Variants in PCDHGA12 observed in about 807,000 individuals in gnomAD.
PCDHGA12 encodes the protein protocadherin gamma subfamily A, 12.
Under a neutral mutation model 61.1 loss-of-function variants are expected in PCDHGA12, and 43 were observed. That is an observed-to-expected ratio of 0.70 (90% CI 0.55 to 0.91). The LOEUF (loss-of-function observed/expected upper bound fraction) is 0.91. Ranked by LOEUF, PCDHGA12 falls within the 40% of genes least tolerant of loss-of-function variation. The probability of loss-of-function intolerance (pLI) is 0.00; values close to 1 mark genes in which losing one functional copy is unlikely to be tolerated. For synonymous variants in PCDHGA12, 520 were observed against 542.9 expected (o/e 0.96, Z 0.59); for missense variants, 1,236 against 1,227.7 (o/e 1.01, Z -0.10).
chr5:141,492,037 C>A (rs556842734), intron 1 of PCDHGA12: 94 of 538,798 alleles, frequency 1.7e-4, no homozygotes, highest in Non-Finnish European at 2.5e-4. Flanking sequence ...AGGAGGCAGT[C>A]ACAGATCCAC....
At chr5:141,459,910 A>G (rs2098977946) in intron 1 of PCDHGA12, among the ~76,000 whole-genome samples, 2 of 152,042 alleles carry the variant, frequency 1.3e-5, no homozygotes, top group Non-Finnish European at 1.5e-5. Context: ...GAGCTATGGG[A>G]GTTTTAAAAT....
chr5:141,431,474 G>A lies in PCDHGA12; in HGVS notation c.715G>A (p.Ala239Thr), dbSNP rs747313827. 2 of 1,613,842 alleles carry A rather than the reference G, an allele frequency of 1.2e-6. No homozygotes were observed. Among genetic ancestry groups the A allele is most frequent in the East Asian group, 4.5e-5 (2 of 44,886 alleles). Reference protein sequence around the residue: ...RVMVLDANDNAPAFAQPEYRA... With the variant: ...RVMVLDANDNTPAFAQPEYRA... ...GATGGTTCTGGATGCGAACGACAACGCACCAGCGTTTGCTCAGCCCGAGTA... is the reference window on the plus strand; with the variant it reads ...GATGGTTCTGGATGCGAACGACAACACACCAGCGTTTGCTCAGCCCGAGTA... Residue 239 changes from alanine (A) to threonine (T), a missense_variant, in exon 1 of 4, where the codon GCA becomes ACA. Coordinates refer to ENST00000252085, the MANE Select transcript of PCDHGA12 (RefSeq NM_003735.3). This position sits in a 1 kb window ranked among gnomAD's most constrained non-coding sequence, Gnocchi z 4.8.
At chr5:141,434,843 G>C (rs1302739038) in intron 1 of PCDHGA12, among the ~76,000 whole-genome samples, 2 of 151,746 alleles carry the variant, frequency 1.3e-5, no homozygotes, top group African/African-American at 4.8e-5. Flanking sequence ...TTATAAAGCA[G>C]ACATCAATAA....
Position 141,510,999 on chromosome 5 carries a change from G to C in PCDHGA12, c.2625G>C (p.Leu875Phe). Residue 875 changes from leucine (L) to phenylalanine (F), a missense_variant, in exon 4 of 4, where the codon TTG (leucine) becomes TTC (phenylalanine). Coordinates refer to ENST00000252085, the MANE Select transcript of PCDHGA12 (RefSeq NM_003735.3). ...GAGGGGGTGCCGGCACCATGGGATT[G>C]AGCGCCCGCTACGGACCCCAGTTCA... ...TLGGGAGTMG[L>F]SARYGPQFTL... 6.2e-7 allele frequency: 1 copy of C among 1,614,144 alleles called. No homozygotes were observed. Among genetic ancestry groups the C allele is most frequent in the Non-Finnish European group, 8.5e-7 (1 of 1,180,008 alleles).
chr5:141,503,046 G>T (rs1187153008), intron 2 of PCDHGA12, among the ~76,000 whole-genome samples: 1 of 151,658 alleles, frequency 6.6e-6, no homozygotes, highest in Non-Finnish European at 1.5e-5. Flanking sequence ...GTTGAGACAG[G>T]GTTTCACCAT....
chr5:141,480,122 C>T (rs576224922), intron 1 of PCDHGA12, among the ~76,000 whole-genome samples: 1 of 151,948 alleles, frequency 6.6e-6, no homozygotes, highest in African/African-American at 2.4e-5. Flanking sequence ...CCTGGCATAT[C>T]ATAACTGTTA....
At chr5:141,441,747 G>A in intron 1 of PCDHGA12, 2 of 372,470 alleles carry the variant, frequency 5.4e-6, no homozygotes, top group Non-Finnish European at 5.4e-6. Flanking sequence ...CGCGCTCGGC[G>A]TCAACGTGAG....
chr5:141,437,831 G>C (rs923199746), intron 1 of PCDHGA12, among the ~76,000 whole-genome samples: 16 of 151,256 alleles, frequency 1.1e-4, no homozygotes, highest in African/African-American at 3.4e-4. Flanking sequence ...TCTGCCTCCT[G>C]GGTTCATGCT....
intron 1 of PCDHGA12, 162 bp from the exon 2 acceptor site, chr5:141,494,645 G>A: frequency 1.1e-6 from 1 of 935,948 alleles, no homozygotes. Flanking sequence ...GAGACCTGAG[G>A]TGTATTTTGT....
chr5:141,479,057 T>A (rs2099487107), intron 1 of PCDHGA12, among the ~76,000 whole-genome samples: 1 of 152,234 alleles, frequency 6.6e-6, no homozygotes, highest in East Asian at 1.9e-4. Context: ...TCTCAGATAA[T>A]TTTTTATGAA....
At chr5:141,472,980 C>CAAAAAAAAAAAAAAAAAAAAAAAA (rs60579131) in intron 1 of PCDHGA12, among the ~76,000 whole-genome samples, 7 of 86,078 alleles carry the variant, frequency 8.1e-5, no homozygotes, top group African/African-American at 1.9e-4. Context: ...GAGTGAAACT[C>CAAAAAAAAAAAAAAAAAAAAAAAA]AAAAAAAAAA....
intron 1 of PCDHGA12, among the ~76,000 whole-genome samples, chr5:141,471,883 C>T (rs951573411): frequency 6.6e-6 from 1 of 152,084 alleles, no homozygotes; most frequent in Non-Finnish European, 1.5e-5. Flanking sequence ...GAGGCTGAAG[C>T]TAGGAAGATT....
rs750214310 is a variant in PCDHGA12 at position 141,432,447 on chromosome 5, T to C, written c.1688T>C (p.Leu563Pro). 1 of 1,614,202 alleles carries C rather than the reference T, an allele frequency of 6.2e-7. No homozygotes were observed. Among genetic ancestry groups the C allele is most frequent in the South Asian group, 1.1e-5 (1 of 91,072 alleles). ...LDQNDNAPEILYPALPTDGST... is the reference protein window; with the variant it reads ...LDQNDNAPEIPYPALPTDGST... ...CAGAACGACAATGCGCCCGAGATCCTGTACCCCGCCCTCCCCACGGACGGT... is the reference window on the plus strand; with the variant it reads ...CAGAACGACAATGCGCCCGAGATCCCGTACCCCGCCCTCCCCACGGACGGT... Residue 563 changes from leucine (L) to proline (P), a missense_variant, in exon 1 of 4, where the codon CTG (leucine) becomes CCG (proline). Leu to Pro is a moderately conservative substitution (Grantham distance 98, BLOSUM62 -3). Coordinates refer to ENST00000252085, the MANE Select transcript of PCDHGA12 (RefSeq NM_003735.3). This position sits in a 1 kb window ranked among gnomAD's most constrained non-coding sequence, Gnocchi z 6.0.
intron 1 of PCDHGA12, among the ~76,000 whole-genome samples, chr5:141,479,050 C>T (rs1484021560): frequency 6.6e-6 from 1 of 152,164 alleles, no homozygotes; most frequent in African/African-American, 2.4e-5. Context: ...ACCTCATTCT[C>T]AGATAATTTT....
intron 1 of PCDHGA12, among the ~76,000 whole-genome samples, chr5:141,445,567 T>C (rs1465765772): frequency 6.6e-6 from 1 of 152,142 alleles, no homozygotes; most frequent in Admixed American, 6.5e-5. Context: ...AGAGAAAGCT[T>C]ATAGTAGGGA....
At chr5:141,478,617 G>T in intron 1 of PCDHGA12, 1 of 1,556,398 alleles carries the variant, frequency 6.4e-7, no homozygotes, top group South Asian at 1.2e-5. Context: ...AGGAAGGAAT[G>T]GAGCTGTTTT....
At position 141,476,666 on chromosome 5, in the gene PCDHGA12, G is replaced by A. The variant is rs2099395856; in HGVS notation, c.2425-18141G>A. On this transcript the variant is annotated intron_variant, in intron 1 of 3. Coordinates refer to ENST00000252085, the MANE Select transcript of PCDHGA12 (RefSeq NM_003735.3). The surrounding 1 kb of genome is among the most constrained non-coding windows in gnomAD (Gnocchi z 7.6). The stretch of plus-strand genomic sequence containing the variant: ...CCGAAATGAATACTTTGCGCTTCGC[G>A]TGCAGACGCGGGAGGACAGCACCAA... 6.2e-7 allele frequency: 1 copy of A among 1,614,128 alleles called. No individual in the cohort carries two copies.
chr5:141,489,983 G>T lies in PCDHGA12; in HGVS notation c.2425-4824G>T. ...CCAACCTTCCAATCCTCAGTTCTACGTGTGGGAATCCCAGAGAATGCACCC... is the reference window on the plus strand; with the variant it reads ...CCAACCTTCCAATCCTCAGTTCTACTTGTGGGAATCCCAGAGAATGCACCC... On this transcript the variant is annotated intron_variant, in intron 1 of 3. Coordinates refer to ENST00000252085, the MANE Select transcript of PCDHGA12 (RefSeq NM_003735.3). The surrounding 1 kb of genome is among the most constrained non-coding windows in gnomAD (Gnocchi z 4.5). The T allele has an allele frequency of 6.2e-7, 1 of 1,614,172 alleles. No homozygotes were observed. Among genetic ancestry groups the T allele is most frequent in the Non-Finnish European group, 8.5e-7 (1 of 1,179,996 alleles).
chr5:141,510,791 A>C (rs1244085822), intron 3 of PCDHGA12, 156 bp from the exon 4 acceptor site: 1 of 929,250 alleles, frequency 1.1e-6, no homozygotes, highest in Non-Finnish European at 1.3e-6. Context: ...AACTCTTGTG[A>C]AGAGAGACTA....
Sources: allele counts gnomAD v4.1 joint callset (sites outside exome capture counted in the v4.1 genomes callset), GRCh38; gene constraint gnomAD v4.1.1; non-coding constraint Gnocchi (gnomAD v3.1); transcripts MANE v1.5; gene names NCBI Gene and HGNC (gene_info 2026-07-23, HGNC 2026-07-21).